KCNK9: variants seen among roughly 807,000 people sequenced by gnomAD.
KCNK9 encodes the protein potassium two pore domain channel subfamily K member 9.
A neutral mutation model predicts 10.8 loss-of-function variants in KCNK9; 1 was observed. The observed-to-expected ratio is 0.09, with a 90% CI of 0.03 to 0.44. The LOEUF (loss-of-function observed/expected upper bound fraction) is 0.44. Ranked by LOEUF, KCNK9 falls within the 20% of genes least tolerant of loss-of-function variation. KCNK9 has a pLI of 0.97. For synonymous variants in KCNK9, 231 were observed against 222.7 expected (o/e 1.04, Z -0.33); for missense variants, 303 against 515.0 (o/e 0.59, Z 3.98).
intron 1 of KCNK9, among the ~76,000 whole-genome samples, chr8:139,691,458 G>A (rs1327862522): frequency 6.6e-6 from 1 of 152,208 alleles, no homozygotes; most frequent in Non-Finnish European, 1.5e-5. Flanking sequence ...TGCTTGTACA[G>A]TTGTTGATGG....
intron 1 of KCNK9, among the ~76,000 whole-genome samples, chr8:139,697,230 AGTGGGTAG>A (rs1427826566): frequency 7.1e-6 from 1 of 141,356 alleles, no homozygotes; most frequent in Non-Finnish European, 1.5e-5. Flanking sequence ...TGGATGGGTG[AGTGGGTAG>A]GTGGGTAGAT....
chr8:139,699,756 G>A (rs558856011), intron 1 of KCNK9, among the ~76,000 whole-genome samples: 3 of 152,112 alleles, frequency 2.0e-5, no homozygotes, highest in African/African-American at 7.2e-5. Flanking sequence ...AGGAAGGCTC[G>A]GCCACAGATT....
chr8:139,634,717 G>C (rs1293543287), intron 1 of KCNK9, among the ~76,000 whole-genome samples: 1 of 152,154 alleles, frequency 6.6e-6, no homozygotes, highest in Non-Finnish European at 1.5e-5. Flanking sequence ...AGCTAGACAT[G>C]GGAGGCTCGC....
At chr8:139,630,683 G>A (rs558622723) in intron 1 of KCNK9, among the ~76,000 whole-genome samples, 2 of 152,338 alleles carry the variant, frequency 1.3e-5, no homozygotes, top group Admixed American at 1.3e-4. Flanking sequence ...GAGACACAGA[G>A]GGGAAGACAG....
intron 1 of KCNK9, among the ~76,000 whole-genome samples, chr8:139,698,692 C>T (rs1586700767): frequency 1.3e-5 from 2 of 152,360 alleles, no homozygotes; most frequent in Non-Finnish European, 1.5e-5. Flanking sequence ...GCCTCAGAGC[C>T]TTGGAGCAGC....
At position 139,617,316 on chromosome 8, in the gene KCNK9, C is replaced by T. The variant is rs1032996988; in HGVS notation, c.*942G>A. Among the ~76,000 whole-genome samples the T allele has an allele frequency of 3.3e-5, 5 of 152,100 alleles. No individual in the cohort carries two copies. The highest frequency in any genetic ancestry group is 1.9e-4 in the East Asian group (1 of 5,190). On this transcript the variant is annotated 3_prime_UTR_variant, in exon 2 of 2. Coordinates refer to ENST00000520439, the MANE Select transcript of KCNK9 (RefSeq NM_001282534.2). ...TACTCTGGGGTTCCAACAATTTTCC[C>T]GTTTCCCCTGACAATTCCAGTTGCA...
downstream of KCNK9, chr8:139,617,090 A>C (rs958648161): frequency 2.0e-5 from 3 of 152,212 alleles, no homozygotes. Context: ...ACTTTACCCT[A>C]TTTACAAATC....
At chr8:139,679,579 A>T (rs1175620931) in intron 1 of KCNK9, among the ~76,000 whole-genome samples, 1 of 152,204 alleles carries the variant, frequency 6.6e-6, no homozygotes, top group African/African-American at 2.4e-5. Context: ...GAAGTCACCA[A>T]GAGCTTAGCA....
chr8:139,700,151 A>C (rs1817169685), intron 1 of KCNK9, among the ~76,000 whole-genome samples: 1 of 152,206 alleles, frequency 6.6e-6, no homozygotes, highest in South Asian at 2.1e-4. Context: ...TCTTGTGCTA[A>C]ACAGCTTCTT....
At chr8:139,673,105 C>T (rs1429966500) in intron 1 of KCNK9, among the ~76,000 whole-genome samples, 1 of 152,100 alleles carries the variant, frequency 6.6e-6, no homozygotes, top group African/African-American at 2.4e-5. Context: ...GAGCTAATTG[C>T]CCCCTTAGTT....
At chr8:139,607,087 T>C (rs1404603271) in intron 2 of KCNK9, among the ~76,000 whole-genome samples, 2 of 152,266 alleles carry the variant, frequency 1.3e-5, no homozygotes, top group Non-Finnish European at 2.9e-5. Context: ...TATCAAATTA[T>C]AGAGAAATCT....
chr8:139,682,798 C>T (rs904707718), intron 1 of KCNK9, among the ~76,000 whole-genome samples: 1 of 152,178 alleles, frequency 6.6e-6, no homozygotes, highest in Admixed American at 6.5e-5. Flanking sequence ...GTGACGTTGC[C>T]GTAGTGCAGT....
At chr8:139,628,836 C>T (rs1815067550) in intron 1 of KCNK9, among the ~76,000 whole-genome samples, 1 of 152,230 alleles carries the variant, frequency 6.6e-6, no homozygotes, top group Non-Finnish European at 1.5e-5. Context: ...TCCTCTTCTG[C>T]TCCATGTAGG....
intron 1 of KCNK9, among the ~76,000 whole-genome samples, chr8:139,692,829 C>A (rs1816961409): frequency 2.6e-5 from 4 of 152,176 alleles, no homozygotes; most frequent in African/African-American, 7.2e-5. Context: ...CCTGGCACTG[C>A]CTGTTTCCAG....
At chr8:139,655,930 T>C (rs1816009616) in intron 1 of KCNK9, among the ~76,000 whole-genome samples, 1 of 152,198 alleles carries the variant, frequency 6.6e-6, no homozygotes. Context: ...AAGCCTCAGC[T>C]TCCTCCTCTG....
chr8:139,702,648 C>T lies in KCNK9; in HGVS notation c.283+62G>A. 2.0e-6 allele frequency: 3 copies of T among 1,512,356 alleles called. No individual in the cohort carries two copies. The highest frequency in any genetic ancestry group is 2.3e-4 in the Middle Eastern group (1 of 4,428). The allele number at this position is 1,512,356 out of a possible 1,614,324, so 93.7% of individuals were successfully genotyped here. The stretch of plus-strand genomic sequence containing the variant: ...CCTGCACCCAGCCCGGCGCGGCGCG[C>T]TCAGCCGCCTCCCCGGACTCCTCCC... On this transcript the variant is annotated intron_variant, in intron 1 of 1. Coordinates refer to ENST00000520439, the MANE Select transcript of KCNK9 (RefSeq NM_001282534.2). The surrounding 1 kb of genome is among the most constrained non-coding windows in gnomAD (Gnocchi z 7.5).
chr8:139,621,836 C>T (rs1025665874), intron 1 of KCNK9, among the ~76,000 whole-genome samples: 8 of 152,152 alleles, frequency 5.3e-5, no homozygotes, highest in Admixed American at 3.3e-4. Context: ...CAAAAAAAGC[C>T]AGCTGGAATG....
chr8:139,689,934 C>T (rs1397746347), intron 1 of KCNK9, among the ~76,000 whole-genome samples: 1 of 152,198 alleles, frequency 6.6e-6, no homozygotes, highest in Non-Finnish European at 1.5e-5. Context: ...AGCCACCACG[C>T]CCGGCCACCT....
intron 1 of KCNK9, among the ~76,000 whole-genome samples, chr8:139,644,100 A>G (rs1379046321): frequency 6.6e-6 from 1 of 152,200 alleles, no homozygotes; most frequent in Non-Finnish European, 1.5e-5. Flanking sequence ...ACTCAAGCCC[A>G]TTGCAGGAAG....
Sources: allele counts gnomAD v4.1 joint callset (sites outside exome capture counted in the v4.1 genomes callset), GRCh38; gene constraint gnomAD v4.1.1; non-coding constraint Gnocchi (gnomAD v3.1); transcripts MANE v1.5; gene names NCBI Gene and HGNC (gene_info 2026-07-23, HGNC 2026-07-21).